LCORL: variants seen among roughly 807,000 people sequenced by gnomAD.
LCORL encodes the protein ligand dependent nuclear receptor corepressor like.
LCORL carries 41 observed loss-of-function variants against 141.8 expected under a neutral mutation model. The ratio of observed to expected loss-of-function variants is 0.29; its 90% CI spans 0.23 to 0.38. The LOEUF (loss-of-function observed/expected upper bound fraction) is 0.38. LCORL is among the 10% of genes least tolerant of loss of function. The pLI is 1.00. For synonymous variants in LCORL, 618 were observed against 694.1 expected (o/e 0.89, Z 1.72); for missense variants, 1,759 against 2,035.0 (o/e 0.86, Z 2.61).
At chr4:18,011,415 C>T (rs1411742403) in intron 1 of LCORL, among the ~76,000 whole-genome samples, 2 of 148,890 alleles carry the variant, frequency 1.3e-5, no homozygotes, top group Non-Finnish European at 3.0e-5. Flanking sequence ...TCTGATCATG[C>T]TTATTACCCA....
At chr4:17,936,360 G>GAAAAAAAA (rs10646952) in intron 4 of LCORL, among the ~76,000 whole-genome samples, 4 of 96,420 alleles carry the variant, frequency 4.1e-5, no homozygotes, top group African/African-American at 1.4e-4. Flanking sequence ...GTCTCATAAT[G>GAAAAAAAA]AAAAAAAAAA....
chr4:17,963,725 CT>C (rs914185698), intron 2 of LCORL, among the ~76,000 whole-genome samples: 1 of 151,696 alleles, frequency 6.6e-6, no homozygotes, highest in African/African-American at 2.4e-5. Flanking sequence ...ATAGTTCCTA[CT>C]GAATTTTATG....
intron 3 of LCORL, 24 bp downstream of exon 3, chr4:17,962,946 T>C (rs987294314): frequency 2.2e-6 from 3 of 1,370,966 alleles, no homozygotes; most frequent in Non-Finnish European, 3.0e-6. Flanking sequence ...AGTTTAAAGA[T>C]AATTTCATAG....
intron 4 of LCORL, among the ~76,000 whole-genome samples, chr4:17,949,904 G>A (rs1405154344): frequency 1.3e-5 from 2 of 152,094 alleles, no homozygotes; most frequent in Non-Finnish European, 2.9e-5. Flanking sequence ...TGAGGCTGTA[G>A]CAGCACTCCT....
chr4:17,956,264 C>T (rs1290232678), intron 4 of LCORL, among the ~76,000 whole-genome samples: 2 of 152,012 alleles, frequency 1.3e-5, no homozygotes, highest in African/African-American at 4.8e-5. Context: ...TCGCAAGAAA[C>T]TAAAAATAGA....
intron 4 of LCORL, among the ~76,000 whole-genome samples, chr4:17,925,288 A>T (rs552225464): frequency 6.6e-6 from 1 of 152,298 alleles, no homozygotes; most frequent in African/African-American, 2.4e-5. Context: ...TATGTGTGGA[A>T]TACAGGGGAT....
chr4:17,878,005 C>T lies in LCORL; in HGVS notation c.985G>A (p.Glu329Lys), dbSNP rs1029759006. Residue 329 changes from glutamate (E) to lysine (K), a missense_variant, in exon 7 of 8, where the codon GAA (glutamate) becomes AAA (lysine). Physicochemically the swap from Glu to Lys is moderately conservative, Grantham distance 56. Transcript: ENST00000635767. The stretch of plus-strand genomic sequence containing the variant: ...CAGAACAGACCACATAAATCATCTT[C>T]GATTAAGGGCTTTTGAGATTCTGAA... 2.0e-5 allele frequency: 24 copies of T among 1,230,408 alleles called. No individual in the cohort carries two copies. In the African/African-American group the frequency reaches 2.0e-4, roughly 10 times the overall value. 76.2% of individuals were successfully genotyped at this position (1,230,408 alleles called of 1,614,324 possible). A position where few individuals can be genotyped will look rare whatever the true frequency, so the allele number is the denominator to read the frequency against.
intron 4 of LCORL, among the ~76,000 whole-genome samples, chr4:17,917,762 G>A (rs986341439): frequency 6.6e-6 from 1 of 152,144 alleles, no homozygotes; most frequent in Non-Finnish European, 1.5e-5. Flanking sequence ...GAGGCGGAAT[G>A]CAACTTCATT....
chr4:17,867,225 G>A (rs1345417331), intron 7 of LCORL, among the ~76,000 whole-genome samples: 1 of 151,990 alleles, frequency 6.6e-6, no homozygotes, highest in African/African-American at 2.4e-5. Context: ...GGACGAACAA[G>A]ATAGGATGAC....
intron 1 of LCORL, among the ~76,000 whole-genome samples, chr4:18,009,256 C>G (rs1057136644): frequency 7.9e-5 from 12 of 152,086 alleles, no homozygotes; most frequent in Admixed American, 2.6e-4. Flanking sequence ...CAATGAGAAG[C>G]CTGGCTCCCA....
exon 8 of LCORL, chr4:17,843,619 A>ATCAG (rs1354770596): frequency 1.1e-5 from 5 of 452,270 alleles, no homozygotes; most frequent in East Asian, 7.4e-5. Context: ...AAAAGTGTGC[A>ATCAG]TCAGTCAGTC....
At chr4:17,952,577 G>A (rs538026431) in intron 4 of LCORL, among the ~76,000 whole-genome samples, 9 of 152,006 alleles carry the variant, frequency 5.9e-5, no homozygotes, top group South Asian at 2.1e-4. Context: ...CACCACGCCC[G>A]GCTAATTTTT....
chr4:17,890,381 G>T (rs1728903073), intron 5 of LCORL, among the ~76,000 whole-genome samples: 1 of 152,030 alleles, frequency 6.6e-6, no homozygotes. Context: ...TACATAAATA[G>T]GTGGTATCAT....
chr4:17,906,558 CACTTTGTTTAG>C (rs1245148380), intron 5 of LCORL, among the ~76,000 whole-genome samples: 10 of 152,168 alleles, frequency 6.6e-5, no homozygotes, highest in Non-Finnish European at 1.2e-4. Flanking sequence ...CATATATTTG[CACTTTGTTTAG>C]ACTATTACAA....
intron 4 of LCORL, among the ~76,000 whole-genome samples, chr4:17,941,262 CCTA>C (rs1337616353): frequency 6.6e-6 from 1 of 151,970 alleles, no homozygotes; most frequent in Non-Finnish European, 1.5e-5. Context: ...TATAGTCCCA[CCTA>C]CTCGGGAGGC....
chr4:17,982,904 C>T (rs950851940), intron 1 of LCORL, among the ~76,000 whole-genome samples: 4 of 152,096 alleles, frequency 2.6e-5, no homozygotes, highest in African/African-American at 9.7e-5. Context: ...TTGGGTTTTA[C>T]ATTTAAGTCT....
At chr4:17,990,866 C>T (rs182830561) in intron 1 of LCORL, among the ~76,000 whole-genome samples, 100 of 152,114 alleles carry the variant, frequency 6.6e-4, no homozygotes, top group Non-Finnish European at 9.3e-4. Context: ...GCTTTTAGCA[C>T]ACTCATGCCA....
At chr4:17,999,192 G>GCCGGGTGCGGTGGCTCACA (rs1553885425) in intron 1 of LCORL, among the ~76,000 whole-genome samples, 6 of 122 alleles carry the variant, frequency 0.049, no homozygotes, top group African/African-American at 0.12. Flanking sequence ...GGATGTCTAA[G>GCCGGGTGCGGTGGCTCACA]CCTGTAATCC....
chr4:17,875,110 C>A lies in LCORL; in HGVS notation c.3880G>T (p.Glu1294Ter), dbSNP rs1726777807. Residue 1294 changes from glutamate to a stop codon, truncating the protein, a stop_gained, in exon 7 of 8, where the codon GAA becomes TAA. Transcript: ENST00000635767. LOFTEE classifies it high-confidence loss of function. ...TGAGTGCACTGTTGGTCATACTTTT[C>A]TTCAGGCAGATTTTTTCCTGACGTA... 1 of 1,233,374 alleles carries A rather than the reference C, an allele frequency of 8.1e-7. No homozygotes were observed. The highest frequency in any genetic ancestry group is 1.6e-5 in the African/African-American group (1 of 64,422). 76.4% of individuals were successfully genotyped at this position (1,233,374 alleles called of 1,614,324 possible).
Sources: gnomAD v4.1 joint callset for allele counts (sites outside exome capture counted in the v4.1 genomes callset) on GRCh38, gnomAD v4.1.1 for gene constraint, MANE v1.5 for transcripts, NCBI Gene and HGNC (gene_info 2026-07-23, HGNC 2026-07-21) for gene names.